The following DEPDC1B variants were observed in gnomAD, a reference collection of about 807,000 sequenced individuals.
DEPDC1B encodes the protein DEP domain-containing protein 1B.
DEPDC1B carries 51 observed loss-of-function variants against 66.5 expected under a neutral mutation model. The ratio of observed to expected loss-of-function variants is 0.77; its 90% CI spans 0.61 to 0.97. DEPDC1B has a LOEUF of 0.97. Among genes scored for constraint, DEPDC1B ranks in the 50% least tolerant of loss-of-function variants. DEPDC1B has a pLI of 0.00. For missense variants in DEPDC1B, 552 were observed against 637.1 expected (o/e 0.87, Z 1.44); for synonymous variants, 226 against 223.6 (o/e 1.01, Z -0.10).
intron 2 of DEPDC1B, among the ~76,000 whole-genome samples, chr5:60,657,480 T>C (rs372723029): frequency 1.3e-5 from 2 of 152,248 alleles, no homozygotes; most frequent in East Asian, 1.9e-4. Context: ...GCAGTTCTTA[T>C]AGTAGCTTGG....
intron 1 of DEPDC1B, among the ~76,000 whole-genome samples, chr5:60,688,777 G>A (rs1754480797): frequency 6.6e-6 from 1 of 152,026 alleles, no homozygotes; most frequent in South Asian, 2.1e-4. Context: ...GGCCCTAGAA[G>A]CTCAAAAAAT....
chr5:60,623,609 T>C (rs1337036266), intron 7 of DEPDC1B, among the ~76,000 whole-genome samples: 2 of 152,178 alleles, frequency 1.3e-5, no homozygotes, highest in Non-Finnish European at 2.9e-5. Flanking sequence ...TTTGGAAGAA[T>C]TGACATCTTA....
intron 7 of DEPDC1B, among the ~76,000 whole-genome samples, chr5:60,635,081 A>C (rs1479840244): frequency 2.0e-5 from 3 of 150,526 alleles, no homozygotes; most frequent in African/African-American, 4.9e-5. Flanking sequence ...AAAAAAAAAA[A>C]CTCCGGCCAT....
chr5:60,614,402 T>C (rs528372944), intron 7 of DEPDC1B, among the ~76,000 whole-genome samples: 2 of 152,318 alleles, frequency 1.3e-5, no homozygotes, highest in South Asian at 4.1e-4. Context: ...GGGTCTTGCT[T>C]TATTGCCTGG....
At chr5:60,667,429 A>C (rs1753868838) in intron 2 of DEPDC1B, among the ~76,000 whole-genome samples, 1 of 147,120 alleles carries the variant, frequency 6.8e-6, no homozygotes, top group Non-Finnish European at 1.5e-5. Context: ...GATATTTTAC[A>C]TATATACAAA....
At chr5:60,689,683 T>C (rs1754499599) in intron 1 of DEPDC1B, among the ~76,000 whole-genome samples, 1 of 150,710 alleles carries the variant, frequency 6.6e-6, no homozygotes, top group Non-Finnish European at 1.5e-5. Context: ...TGTGATCTCT[T>C]TTTTTTTTTC....
chr5:60,694,822 A>G (rs1754619561), intron 1 of DEPDC1B, among the ~76,000 whole-genome samples: 1 of 152,216 alleles, frequency 6.6e-6, no homozygotes, highest in African/African-American at 2.4e-5. Context: ...CATATAGTAT[A>G]CCCATTTAAT....
At chr5:60,653,383 G>C (rs1325907719) in intron 2 of DEPDC1B, among the ~76,000 whole-genome samples, 2 of 131,696 alleles carry the variant, frequency 1.5e-5, no homozygotes, top group Non-Finnish European at 3.1e-5. Context: ...GTGTTTGTGG[G>C]CCATTCGCAT....
At chr5:60,625,695 ACC>A (rs980216864) in intron 7 of DEPDC1B, among the ~76,000 whole-genome samples, 1 of 151,898 alleles carries the variant, frequency 6.6e-6, no homozygotes, top group African/African-American at 2.4e-5. Context: ...GATACATTCT[ACC>A]CCCCTCCTCC....
At chr5:60,651,764 A>C (rs1388364211) in intron 2 of DEPDC1B, among the ~76,000 whole-genome samples, 3 of 152,176 alleles carry the variant, frequency 2.0e-5, no homozygotes, top group Non-Finnish European at 4.4e-5. Context: ...GGTGGAGAAA[A>C]AAATCTGTGT....
intron 7 of DEPDC1B, among the ~76,000 whole-genome samples, chr5:60,625,185 G>A (rs1752785303): frequency 6.6e-6 from 1 of 152,076 alleles, no homozygotes; most frequent in African/African-American, 2.4e-5. Flanking sequence ...TTGCTATTGT[G>A]AACAGTGCCG....
intron 1 of DEPDC1B, among the ~76,000 whole-genome samples, chr5:60,695,145 T>C (rs1056853503): frequency 2.6e-5 from 4 of 152,154 alleles, no homozygotes; most frequent in African/African-American, 9.7e-5. Flanking sequence ...TATTTTTTTC[T>C]GGATGGAGAG....
At chr5:60,673,508 A>G (rs1754093278) in intron 2 of DEPDC1B, among the ~76,000 whole-genome samples, 1 of 152,162 alleles carries the variant, frequency 6.6e-6, no homozygotes, top group Non-Finnish European at 1.5e-5. Context: ...AGTGTTAATC[A>G]AGTGACTGGG....
intron 1 of DEPDC1B, 72 bp downstream of exon 1, chr5:60,699,974 C>T: frequency 6.6e-7 from 1 of 1,523,866 alleles, no homozygotes. Flanking sequence ...GACTGACAAG[C>T]ACTCTGTCCG....
chr5:60,633,515 G>A (rs1018013934), intron 7 of DEPDC1B, among the ~76,000 whole-genome samples: 12 of 152,188 alleles, frequency 7.9e-5, no homozygotes, highest in African/African-American at 2.9e-4. Context: ...CCTTCACCGT[G>A]AGAACATGCC....
rs889406781 is a variant in DEPDC1B at position 60,618,404 on chromosome 5, G to A, written c.899-12548C>T. 3.7e-4 allele frequency among the ~76,000 whole-genome samples: 56 copies of A among 152,192 alleles called. 1 individual carries two copies. Among genetic ancestry groups the A allele is most frequent in the African/African-American group, 1.3e-3 (54 of 41,528 alleles). ...ATAGACTGCTAGCAAGACTAATAAA[G>A]AAGAAAAGAGAGAAGAATCAAATAG... On this transcript the variant is annotated intron_variant, in intron 7 of 10. Transcript: ENST00000265036.
intron 2 of DEPDC1B, among the ~76,000 whole-genome samples, chr5:60,677,313 C>G (rs1754184292): frequency 8.8e-6 from 1 of 113,600 alleles, no homozygotes; most frequent in African/African-American, 4.0e-5. Context: ...CACACACACA[C>G]ACACACACAC....
chr5:60,668,085 T>A (rs193213389), intron 2 of DEPDC1B, among the ~76,000 whole-genome samples: 5 of 45,008 alleles, frequency 1.1e-4, no homozygotes, highest in African/African-American at 6.2e-4. Flanking sequence ...AATGGATATT[T>A]TATATATATA....
intron 2 of DEPDC1B, among the ~76,000 whole-genome samples, chr5:60,659,362 T>C (rs1027538625): frequency 3.9e-5 from 6 of 152,196 alleles, no homozygotes; most frequent in Non-Finnish European, 1.5e-5. Flanking sequence ...GTCCTATACT[T>C]CCTTAGAATT....
Sources: allele counts gnomAD v4.1 joint callset (sites outside exome capture counted in the v4.1 genomes callset), GRCh38; gene constraint gnomAD v4.1.1; transcripts MANE v1.5; gene names NCBI Gene and HGNC (gene_info 2026-07-23, HGNC 2026-07-21).